Variants in ANOS1 observed in about 807,000 individuals in gnomAD.
ANOS1 encodes anosmin 1.
A neutral mutation model predicts 59.0 loss-of-function variants in ANOS1; 6 were observed. That is an observed-to-expected ratio of 0.10 (90% CI 0.06 to 0.20). The LOEUF is 0.20. Among genes scored for constraint, ANOS1 ranks in the 10% least tolerant of loss-of-function variants. The pLI is 1.00. For missense variants in ANOS1, 433 were observed against 542.3 expected (o/e 0.80, Z 2.00); for synonymous variants, 217 against 223.4 (o/e 0.97, Z 0.25).
chrX:8,543,577 G>A (rs1030686392), intron 9 of ANOS1, among the ~76,000 whole-genome samples: 7 of 110,540 alleles, frequency 6.3e-5, no homozygotes, highest in African/African-American at 2.3e-4. Flanking sequence ...AAATAGCATA[G>A]TTCAGGCCGG....
intron 3 of ANOS1, among the ~76,000 whole-genome samples, chrX:8,609,740 G>A (rs1174660130): frequency 9.0e-6 from 1 of 110,661 alleles, no homozygotes; most frequent in Non-Finnish European, 1.9e-5. Context: ...GGGCATGGTG[G>A]CTCATGCCTG....
chrX:8,634,007 G>A (rs1052248047), intron 2 of ANOS1, among the ~76,000 whole-genome samples: 7 of 111,801 alleles, frequency 6.3e-5, no homozygotes, highest in African/African-American at 1.3e-4. Flanking sequence ...AATATAAACC[G>A]TAGATTAGAT....
At chrX:8,714,483 A>G (rs764860492) in intron 1 of ANOS1, among the ~76,000 whole-genome samples, 7 of 111,455 alleles carry the variant, frequency 6.3e-5, no homozygotes, top group Non-Finnish European at 1.3e-4. Context: ...TATTGCTATT[A>G]TCACTATAAC....
intron 1 of ANOS1, among the ~76,000 whole-genome samples, chrX:8,707,827 T>C (rs1932788498): frequency 8.9e-6 from 1 of 112,320 alleles, no homozygotes; most frequent in African/African-American, 3.2e-5. Context: ...ATAACTTTGA[T>C]ATACTTTTCC....
At chrX:8,686,518 T>C (rs979721414) in intron 2 of ANOS1, among the ~76,000 whole-genome samples, 8 of 112,452 alleles carry the variant, frequency 7.1e-5, no homozygotes, top group African/African-American at 2.6e-4. Flanking sequence ...AAAGACAGGC[T>C]GTTTGATTTA....
At chrX:8,646,631 G>A in intron 2 of ANOS1, among the ~76,000 whole-genome samples, 1 of 110,729 alleles carries the variant, frequency 9.0e-6, no homozygotes, top group Middle Eastern at 4.6e-3. Context: ...ATAAAATCCT[G>A]TTTCAAAAGA....
intron 9 of ANOS1, among the ~76,000 whole-genome samples, chrX:8,547,820 G>A (rs1030694121): frequency 9.9e-5 from 11 of 111,214 alleles, no homozygotes; most frequent in African/African-American, 2.9e-4. Context: ...GGGTTCAAGC[G>A]AATCTCCTGC....
intron 1 of ANOS1, among the ~76,000 whole-genome samples, chrX:8,707,959 C>T (rs1200784824): frequency 6.2e-5 from 7 of 112,689 alleles, no homozygotes; most frequent in African/African-American, 2.3e-4. Flanking sequence ...GGCATGGTGG[C>T]ACACGCCTGT....
intron 8 of ANOS1, among the ~76,000 whole-genome samples, chrX:8,560,040 T>G (rs747528812): frequency 1.8e-4 from 20 of 112,122 alleles, no homozygotes; most frequent in Non-Finnish European, 3.2e-4. Flanking sequence ...TACCAAATGC[T>G]CATTTGCCTG....
chrX:8,584,242 C>T (rs1930471605), intron 6 of ANOS1, among the ~76,000 whole-genome samples: 1 of 111,732 alleles, frequency 8.9e-6, no homozygotes, highest in Non-Finnish European at 1.9e-5. Context: ...TTATTGATAA[C>T]TACCTCCTAA....
chrX:8,666,688 A>T (rs756779723), intron 2 of ANOS1, among the ~76,000 whole-genome samples: 2 of 112,383 alleles, frequency 1.8e-5, no homozygotes, highest in African/African-American at 6.5e-5. Flanking sequence ...CACATTCCCC[A>T]CATGCCCAAG....
rs148681166 is a variant in ANOS1 at position 8,715,345 on chromosome X, G to A, written c.208-15600C>T. On this transcript the variant is annotated intron_variant, in intron 1 of 13. Coordinates refer to ENST00000262648, the MANE Select transcript of ANOS1 (RefSeq NM_000216.4). ...AGTGGCTCAATCATAGCTCACTGTA[G>A]CCTCAACATCCTGGGCTCAAGCAAT... 4.5e-5 allele frequency among the ~76,000 whole-genome samples: 5 copies of A among 111,246 alleles called. No homozygotes were observed. The East Asian group carries it at 1.4e-3, about 31-fold the overall frequency.
intron 1 of ANOS1, among the ~76,000 whole-genome samples, chrX:8,718,989 G>A (rs760630090): frequency 5.4e-5 from 6 of 111,960 alleles, no homozygotes; most frequent in Admixed American, 2.8e-4. Flanking sequence ...ATCACTATTC[G>A]TTATGATTGT....
intron 2 of ANOS1, among the ~76,000 whole-genome samples, chrX:8,636,876 G>A (rs1385232383): frequency 8.9e-6 from 1 of 112,214 alleles, no homozygotes; most frequent in Non-Finnish European, 1.9e-5. Flanking sequence ...CCAGATTAAT[G>A]AGTTAGACAT....
At chrX:8,692,733 T>TTATC (rs753122923) in intron 2 of ANOS1, among the ~76,000 whole-genome samples, 1 of 110,955 alleles carries the variant, frequency 9.0e-6, no homozygotes, top group East Asian at 2.8e-4. Context: ...ATTCCCCAGT[T>TTATC]TATCTACACT....
intron 8 of ANOS1, among the ~76,000 whole-genome samples, chrX:8,559,542 T>C (rs781147692): frequency 3.2e-4 from 36 of 111,862 alleles, no homozygotes; most frequent in Non-Finnish European, 6.6e-4. Context: ...CCTAGGTCAT[T>C]TCTTACTGTG....
At chrX:8,546,676 T>C (rs1169235937) in intron 9 of ANOS1, among the ~76,000 whole-genome samples, 2 of 111,942 alleles carry the variant, frequency 1.8e-5, no homozygotes, top group South Asian at 3.8e-4. Flanking sequence ...TGACATTTTC[T>C]GGCAATCATG....
At chrX:8,712,605 T>G (rs1932818916) in intron 1 of ANOS1, among the ~76,000 whole-genome samples, 1 of 112,677 alleles carries the variant, frequency 8.9e-6, no homozygotes. Context: ...TTTCTTCACT[T>G]TGGCCTCCTT....
chrX:8,594,658 G>A (rs6638844), intron 4 of ANOS1, among the ~76,000 whole-genome samples: 13 of 33,538 alleles, frequency 3.9e-4, no homozygotes, highest in South Asian at 4.2e-3. Context: ...ATATATATGT[G>A]TATATATATA....
Sources: gnomAD v4.1 joint callset for allele counts (sites outside exome capture counted in the v4.1 genomes callset) on GRCh38, gnomAD v4.1.1 for gene constraint, MANE v1.5 for transcripts, NCBI Gene and HGNC (gene_info 2026-07-23, HGNC 2026-07-21) for gene names.